The following CCDC63 variants were observed in gnomAD, a reference collection of about 807,000 sequenced individuals.
CCDC63 encodes the protein coiled-coil domain-containing protein 63.
In CCDC63, 54 loss-of-function variants were observed where a neutral mutation model predicts 63.6. The observed-to-expected ratio is 0.85, with a 90% CI of 0.68 to 1.07. The LOEUF is 1.07. Ranked by LOEUF, CCDC63 falls within the 50% of genes least tolerant of loss-of-function variation. The pLI, the probability that CCDC63 is intolerant of heterozygous loss-of-function variation, is 0.00. For synonymous variants in CCDC63, 253 were observed against 266.1 expected, an observed-to-expected ratio of 0.95 and a Z score of 0.48; for missense variants, 637 against 689.6, an observed-to-expected ratio of 0.92 and a Z score of 0.86.
chr12:110,847,855 G>A (rs1305883054), intron 1 of CCDC63, among the ~76,000 whole-genome samples: 1 of 152,180 alleles, frequency 6.6e-6, no homozygotes, highest in South Asian at 2.1e-4. Flanking sequence ...AAGCAGATGA[G>A]GTGCAGGCCT....
At chr12:110,847,553 G>C (rs74495119) in intron 1 of CCDC63, among the ~76,000 whole-genome samples, 2,036 of 119,514 alleles carry the variant, frequency 0.017, 17 homozygotes, top group Admixed American at 0.018. Flanking sequence ...AGAGAGAGAC[G>C]CTCTCAAAAA....
intron 1 of CCDC63, among the ~76,000 whole-genome samples, chr12:110,850,762 T>C: frequency 6.6e-6 from 1 of 152,022 alleles, no homozygotes; most frequent in Non-Finnish European, 1.5e-5. Flanking sequence ...AATAAATAAA[T>C]AAAAATAAAG....
chr12:110,868,398 T>A (rs1350334462), intron 4 of CCDC63, among the ~76,000 whole-genome samples: 1 of 149,590 alleles, frequency 6.7e-6, no homozygotes, highest in Non-Finnish European at 1.5e-5. Flanking sequence ...AGGTGTAGGT[T>A]GTAGCGAGCC....
chr12:110,871,315 G>A (rs1212180063), intron 4 of CCDC63, among the ~76,000 whole-genome samples: 1 of 151,942 alleles, frequency 6.6e-6, no homozygotes, highest in African/African-American at 2.4e-5. Context: ...CTATTTTTTT[G>A]TATTTTTAGT....
intron 5 of CCDC63, among the ~76,000 whole-genome samples, chr12:110,876,304 T>C (rs2057325438): frequency 6.6e-6 from 1 of 151,844 alleles, no homozygotes; most frequent in Non-Finnish European, 1.5e-5. Context: ...AAGGAGCAAA[T>C]GAGTGGTAAC....
intron 9 of CCDC63, among the ~76,000 whole-genome samples, chr12:110,897,349 A>T (rs960841135): frequency 2.0e-5 from 3 of 151,890 alleles, no homozygotes; most frequent in Non-Finnish European, 4.4e-5. Flanking sequence ...GCACTTTGGG[A>T]TACTGAGGCA....
At position 110,853,259 on chromosome 12, in the gene CCDC63, C is replaced by A. The variant is rs2070728680; in HGVS notation, c.10-146C>A. On this transcript the variant is annotated intron_variant, in intron 2 of 11. Transcript: ENST00000308208. ...CAGGGTGGGTTTTCCATGTAATAGA[C>A]AAGCAGCTGACATCACCCAAGGGAA... 13 of 801,876 alleles carry A rather than the reference C, an allele frequency of 1.6e-5. No homozygotes were observed. The South Asian group carries it at 2.2e-4, about 13-fold the overall frequency. The allele number at this position is 801,876 out of a possible 1,614,324, so 49.7% of individuals were successfully genotyped here. A position where few individuals can be genotyped will look rare whatever the true frequency, so the allele number is the denominator to read the frequency against.
At chr12:110,888,548 G>A (rs557375611) in intron 8 of CCDC63, among the ~76,000 whole-genome samples, 1 of 152,226 alleles carries the variant, frequency 6.6e-6, no homozygotes, top group African/African-American at 2.4e-5. Flanking sequence ...ATGACTTTTT[G>A]GGCTCAAATA....
At chr12:110,873,207 GC>G (rs1326377995) in intron 4 of CCDC63, among the ~76,000 whole-genome samples, 1 of 152,182 alleles carries the variant, frequency 6.6e-6, no homozygotes. Flanking sequence ...CAGCACTCCA[GC>G]CTGGGCGACA....
intron 4 of CCDC63, among the ~76,000 whole-genome samples, chr12:110,868,666 C>A (rs2071013175): frequency 6.7e-6 from 1 of 149,186 alleles, no homozygotes; most frequent in Non-Finnish European, 1.5e-5. Context: ...GCCGAGATGG[C>A]AGCAGTACAG....
At chr12:110,902,702 G>T (rs2071503647) in intron 10 of CCDC63, among the ~76,000 whole-genome samples, 1 of 151,938 alleles carries the variant, frequency 6.6e-6, no homozygotes, top group Admixed American at 6.6e-5. Context: ...GCAAATTTTG[G>T]TTGCCAATAT....
chr12:110,859,315 T>TA (rs951675762), intron 4 of CCDC63, among the ~76,000 whole-genome samples: 2 of 143,070 alleles, frequency 1.4e-5, no homozygotes, highest in African/African-American at 2.6e-5. Flanking sequence ...ATGTCACTTC[T>TA]TTTTTTTTTT....
intron 4 of CCDC63, among the ~76,000 whole-genome samples, chr12:110,860,876 G>A (rs556683054): frequency 1.3e-5 from 2 of 152,188 alleles, no homozygotes; most frequent in Non-Finnish European, 2.9e-5. Flanking sequence ...GGCGTGAGCC[G>A]CGGCATGCAG....
chr12:110,858,173 T>A (rs2070803369), intron 3 of CCDC63, among the ~76,000 whole-genome samples: 1 of 149,484 alleles, frequency 6.7e-6, no homozygotes, highest in African/African-American at 2.5e-5. Context: ...ATAAAATAAA[T>A]AAAATAAAAT....
intron 9 of CCDC63, among the ~76,000 whole-genome samples, chr12:110,894,668 C>T (rs946561757): frequency 2.0e-5 from 3 of 152,174 alleles, no homozygotes; most frequent in Non-Finnish European, 4.4e-5. Context: ...AGACCCTCCC[C>T]AAGCTGGGCA....
At chr12:110,846,290 TTCTA>T (rs2070636391), upstream of CCDC63, among the ~76,000 whole-genome samples, 1 of 152,220 alleles carries the variant, frequency 6.6e-6, no homozygotes, top group Admixed American at 6.5e-5. Context: ...CTGTGATTGT[TTCTA>T]GAGCTTAGCC....
chr12:110,864,410 C>A (rs190461488), intron 4 of CCDC63, among the ~76,000 whole-genome samples: 3 of 144,768 alleles, frequency 2.1e-5, no homozygotes, highest in Non-Finnish European at 4.5e-5. Flanking sequence ...GGCAACATAG[C>A]GAGACCCTGT....
At chr12:110,853,063 C>A in intron 2 of CCDC63, 100 bp downstream of exon 2, 1 of 1,345,198 alleles carries the variant, frequency 7.4e-7, no homozygotes, top group Non-Finnish European at 1.1e-6. Flanking sequence ...ACAAACAGAT[C>A]TGTGCTCACC....
chr12:110,890,427 T>C (rs2071341639), intron 8 of CCDC63, among the ~76,000 whole-genome samples: 1 of 152,228 alleles, frequency 6.6e-6, no homozygotes. Context: ...GGATTCTTCC[T>C]GATTTGGGTT....
Sources: allele counts gnomAD v4.1 joint callset (sites outside exome capture counted in the v4.1 genomes callset), GRCh38; gene constraint gnomAD v4.1.1; transcripts MANE v1.5; gene names NCBI Gene and HGNC (gene_info 2026-07-23, HGNC 2026-07-21).